The following GPC6 variants were observed in gnomAD, a reference collection of about 807,000 sequenced individuals.
GPC6 encodes glypican 6.
A neutral mutation model predicts 55.2 loss-of-function variants in GPC6; 14 were observed. The ratio of observed to expected loss-of-function variants is 0.25; its 90% confidence interval spans 0.17 to 0.40. The LOEUF is 0.40. Ranked by LOEUF, GPC6 falls within the 10% of genes least tolerant of loss-of-function variation. The pLI, the probability that GPC6 is intolerant of heterozygous loss-of-function variation, is 1.00. For missense variants in GPC6, 641 were observed against 708.5 expected, an observed-to-expected ratio of 0.90 and a Z score of 1.08; for synonymous variants, 278 against 259.6, an observed-to-expected ratio of 1.07 and a Z score of -0.68.
At chr13:93,633,456 G>C (rs565311496) in intron 2 of GPC6, among the ~76,000 whole-genome samples, 1 of 152,078 alleles carries the variant, frequency 6.6e-6, no homozygotes, top group South Asian at 2.1e-4. Flanking sequence ...GACTAGCCTG[G>C]CCAACATGGT....
chr13:93,399,465 G>A (rs1875988253), intron 1 of GPC6, among the ~76,000 whole-genome samples: 1 of 152,198 alleles, frequency 6.6e-6, no homozygotes, highest in Non-Finnish European at 1.5e-5. Context: ...ATAAATGAAT[G>A]TGTGTGTTCT....
chr13:93,688,143 T>C (rs1205580381), intron 2 of GPC6, among the ~76,000 whole-genome samples: 4 of 152,068 alleles, frequency 2.6e-5, no homozygotes, highest in Non-Finnish European at 5.9e-5. Context: ...TATCAACCAA[T>C]TGGGATTATG....
chr13:94,294,374 A>T (rs7991910), intron 5 of GPC6, among the ~76,000 whole-genome samples: 4,190 of 149,760 alleles, frequency 0.028, 191 homozygotes, highest in African/African-American at 0.094. Context: ...GATGAGCAGG[A>T]TGGCCTTCAG....
intron 1 of GPC6, among the ~76,000 whole-genome samples, chr13:93,238,346 A>G (rs1351737646): frequency 6.6e-6 from 1 of 152,106 alleles, no homozygotes; most frequent in Non-Finnish European, 1.5e-5. Context: ...GCTATTGTAA[A>G]TGGGATGGAA....
intron 3 of GPC6, among the ~76,000 whole-genome samples, chr13:93,950,782 AGGCTGGGAAATTTCTTT>A: frequency 6.6e-6 from 1 of 150,424 alleles, no homozygotes. Context: ...AATGATTCTG[AGGCTGGGAAATTTCTTT>A]TTTTTTTTTA....
chr13:94,145,779 T>C (rs1235113200), intron 4 of GPC6, among the ~76,000 whole-genome samples: 1 of 152,150 alleles, frequency 6.6e-6, no homozygotes, highest in African/African-American at 2.4e-5. Flanking sequence ...AATAAGTGAA[T>C]ATGTAATTTA....
intron 3 of GPC6, among the ~76,000 whole-genome samples, chr13:93,919,191 T>G (rs1434844037): frequency 6.6e-6 from 1 of 152,190 alleles, no homozygotes; most frequent in Admixed American, 6.5e-5. Flanking sequence ...GCTAAGCACA[T>G]GTTGGTGCCA....
chr13:93,249,417 G>T (rs1876711502), intron 1 of GPC6, among the ~76,000 whole-genome samples: 2 of 152,166 alleles, frequency 1.3e-5, no homozygotes, highest in South Asian at 4.1e-4. Context: ...TGAGTGTTTA[G>T]TTTCGTCCTC....
chr13:93,291,793 C>T (rs1878326856), intron 1 of GPC6, among the ~76,000 whole-genome samples: 1 of 152,052 alleles, frequency 6.6e-6, no homozygotes, highest in African/African-American at 2.4e-5. Flanking sequence ...GGAGGAACAA[C>T]ATTAATAGAG....
At chr13:94,254,689 T>G (rs1489998097) in intron 4 of GPC6, among the ~76,000 whole-genome samples, 1 of 152,034 alleles carries the variant, frequency 6.6e-6, no homozygotes, top group Admixed American at 6.5e-5. Context: ...AAAAAAAACA[T>G]GTAATTTGAA....
the GPC6 span, among the ~76,000 whole-genome samples, chr13:93,218,923 T>TCATTATAAAAGAATCAGA: frequency 1.3e-5 from 2 of 152,174 alleles, no homozygotes; most frequent in Non-Finnish European, 1.5e-5. Flanking sequence ...TAGATGACAT[T>TCATTATAAAAGAATCAGA]CATTATAAAA....
chr13:93,387,332 C>T (rs7336981), intron 1 of GPC6, among the ~76,000 whole-genome samples: 53,654 of 151,768 alleles, frequency 0.35, 10,810 homozygotes, highest in East Asian at 0.92. Flanking sequence ...CCTTCCCCTC[C>T]ACCCCCAACA....
At chr13:94,002,544 C>A (rs1424984894) in intron 3 of GPC6, among the ~76,000 whole-genome samples, 2 of 152,012 alleles carry the variant, frequency 1.3e-5, no homozygotes, top group East Asian at 1.9e-4. Context: ...CCTTATTACA[C>A]ATGAATTATC....
At chr13:93,921,872 C>A (rs1027378152) in intron 3 of GPC6, among the ~76,000 whole-genome samples, 3 of 151,660 alleles carry the variant, frequency 2.0e-5, no homozygotes, top group Admixed American at 6.6e-5. Context: ...GAGGGTGGAG[C>A]CTTTGCTGGG....
chr13:94,136,341 C>T (rs975472848), intron 4 of GPC6, among the ~76,000 whole-genome samples: 3 of 151,898 alleles, frequency 2.0e-5, no homozygotes, highest in South Asian at 2.1e-4. Flanking sequence ...AAGAGAGTGG[C>T]GATAAGAGGC....
Position 94,081,844 on chromosome 13 carries a change from C to CTT in GPC6, c.877+53963_877+53964dup, listed in dbSNP as rs201141414. On this transcript the variant is annotated intron_variant, in intron 4 of 8. Coordinates refer to ENST00000377047, the MANE Select transcript of GPC6 (RefSeq NM_005708.5). The stretch of plus-strand genomic sequence containing the variant: ...CATGTCTATGCCTTCTACTACTTTC[C>CTT]TTTTTTTTTTTTTTGAGACACAGTC... Among the ~76,000 whole-genome samples, 867 of 132,996 alleles carry CTT rather than the reference C, an allele frequency of 6.5e-3. 28 individuals are homozygous for CTT. Among genetic ancestry groups the CTT allele is most frequent in the African/African-American group, 0.02 (706 of 35,550 alleles). 87.3% of individuals were successfully genotyped at this position (132,996 alleles called of 152,430 possible).
At chr13:94,017,095 A>G (rs1318602488) in intron 3 of GPC6, among the ~76,000 whole-genome samples, 1 of 152,140 alleles carries the variant, frequency 6.6e-6, no homozygotes, top group Non-Finnish European at 1.5e-5. Context: ...GGCCTCCCAA[A>G]GTGCTGGAAT....
intron 2 of GPC6, among the ~76,000 whole-genome samples, chr13:93,604,454 C>T (rs1053027103): frequency 3.9e-5 from 6 of 152,120 alleles, no homozygotes; most frequent in Admixed American, 3.3e-4. Context: ...CAATCTTTAG[C>T]TTACAGAGTC....
At chr13:93,384,425 G>A (rs1029119174) in intron 1 of GPC6, among the ~76,000 whole-genome samples, 1 of 151,380 alleles carries the variant, frequency 6.6e-6, no homozygotes, top group South Asian at 2.1e-4. Flanking sequence ...ATTAATTCTG[G>A]TTGGTAATCA....
Sources: gnomAD v4.1 joint callset for allele counts (sites outside exome capture counted in the v4.1 genomes callset) on GRCh38, gnomAD v4.1.1 for gene constraint, MANE v1.5 for transcripts, NCBI Gene and HGNC (gene_info 2026-07-23, HGNC 2026-07-21) for gene names.